The following EP400 variants were observed in gnomAD, a reference collection of about 807,000 sequenced individuals.
The protein encoded by EP400 is E1A-binding protein p400.
In EP400, 105 loss-of-function variants were observed where a neutral mutation model predicts 354.1. The observed-to-expected ratio is 0.30, with a 90% confidence interval of 0.25 to 0.35. The LOEUF (loss-of-function observed/expected upper bound fraction) is 0.35. Among genes scored for constraint, EP400 ranks in the 10% least tolerant of loss-of-function variants. The probability of loss-of-function intolerance (pLI) is 1.00; values close to 1 mark genes in which losing one functional copy is unlikely to be tolerated. For missense variants in EP400, 3,280 were observed against 4,121.0 expected (o/e 0.80, Z 5.59); for synonymous variants, 1,646 against 1,716.9 (o/e 0.96, Z 1.02).
chr12:131,974,266 A>G (rs1411914398), intron 2 of EP400, among the ~76,000 whole-genome samples: 1 of 151,972 alleles, frequency 6.6e-6, no homozygotes, highest in Non-Finnish European at 1.5e-5. Flanking sequence ...GGCGTGAGCC[A>G]CCGCGCCTGG....
chr12:131,975,300 C>T (rs1008059381), intron 2 of EP400, among the ~76,000 whole-genome samples: 1 of 152,186 alleles, frequency 6.6e-6, no homozygotes, highest in Non-Finnish European at 1.5e-5. Context: ...ATGTAGATAT[C>T]CAGTTTTCTA....
At position 132,044,287 on chromosome 12, in the gene EP400, C is replaced by T. The variant is rs753609203; in HGVS notation, c.6561C>T (p.Tyr2187=). 1 of 1,614,000 alleles carries T rather than the reference C, an allele frequency of 6.2e-7. No homozygotes were observed. Among genetic ancestry groups the T allele is most frequent in the Non-Finnish European group, 8.5e-7 (1 of 1,180,014 alleles). Residue 2187 remains tyrosine (Y), a synonymous_variant, in exon 35 of 53, where the codon TAC becomes TAT. Coordinates refer to ENST00000389561, the MANE Select transcript of EP400 (RefSeq NM_015409.5). ...LEQEEAELLT[Y]TREDAYSMEY... ...AGGAGGAGGCGGAGCTCCTGACCTA[C>T]ACGCGAGAGGATGCCTACAGCATGG...
Position 132,062,557 on chromosome 12 carries a change from G to T in EP400, c.8190G>T (p.Gln2730His). The T allele has an allele frequency of 6.3e-7, 1 of 1,587,380 alleles. No individual in the cohort carries two copies. Among genetic ancestry groups the T allele is most frequent in the East Asian group, 2.3e-5 (1 of 44,236 alleles). The change falls in exon 47 of 53, where the codon CAG becomes CAT. Residue 2730 changes from glutamine to histidine, a missense_variant. Physicochemically the swap from Gln to His is conservative, Grantham distance 24. This residue lies in a region of EP400 where 11 missense variants were observed against 34.5 expected (regional missense o/e 0.32). Coordinates refer to ENST00000389561, the MANE Select transcript of EP400 (RefSeq NM_015409.5). ...AGCAGCAGCAGCAACAACAGCAGCA[G>T]CAGCAGCAGCAGCAGCAGCAGCAGC... is the stretch of plus-strand genomic sequence containing the variant. ...QQQQQQQQQQQQQQQQQQQQQ... is the reference protein window; with the variant it reads ...QQQQQQQQQQHQQQQQQQQQQ...
intron 30 of EP400, 93 bp downstream of exon 30, chr12:132,032,242 A>G: frequency 7.1e-7 from 1 of 1,403,994 alleles, no homozygotes; most frequent in Non-Finnish European, 9.6e-7. Flanking sequence ...AAATGGAGTC[A>G]ATGAGAAGCT....
intron 2 of EP400, chr12:131,963,531 G>A: frequency 6.3e-7 from 1 of 1,594,820 alleles, no homozygotes; most frequent in Non-Finnish European, 8.5e-7. Flanking sequence ...TTTCCTCTCA[G>A]GTAAAGGTTG....
At position 131,954,868 on chromosome 12, in the gene EP400, A is replaced by G. The variant is rs141984460; in HGVS notation, c.-36+4832A>G. On this transcript the variant is annotated intron_variant, in intron 1 of 52. Coordinates refer to ENST00000389561, the MANE Select transcript of EP400 (RefSeq NM_015409.5). The stretch of plus-strand genomic sequence containing the variant: ...CATGGTGAAACCTCGTCTGTACAAA[A>G]AATACAAAAATTAGCTGGCTGTGGT... Among the ~76,000 whole-genome samples the G allele has an allele frequency of 7.1e-3, 1,078 of 152,012 alleles. 35 individuals carry two copies. The South Asian group carries it at 0.093, about 13-fold the overall frequency.
At chr12:132,023,299 A>ATTTTTTTTTTTTTTT (rs767816284) in intron 23 of EP400, among the ~76,000 whole-genome samples, 1 of 71,042 alleles carries the variant, frequency 1.4e-5, no homozygotes, top group African/African-American at 8.3e-5. Context: ...TGCCCAGCTA[A>ATTTTTTTTTTTTTTT]TTTTTTTTTT....
At chr12:132,016,486 A>T (rs1893938698) in intron 19 of EP400, among the ~76,000 whole-genome samples, 1 of 152,054 alleles carries the variant, frequency 6.6e-6, no homozygotes, top group Non-Finnish European at 1.5e-5. Flanking sequence ...CTCCTGCCTC[A>T]GCCTCTCGAG....
At chr12:131,992,253 C>T (rs775999556) in intron 11 of EP400, 23 bp downstream of exon 11, 2 of 1,602,616 alleles carry the variant, frequency 1.2e-6, no homozygotes, top group Non-Finnish European at 1.7e-6. Flanking sequence ...TCAGCACTAT[C>T]TTTGTCATCT....
intron 12 of EP400, among the ~76,000 whole-genome samples, chr12:132,002,182 T>C (rs1466429793): frequency 1.3e-5 from 2 of 152,204 alleles, no homozygotes; most frequent in South Asian, 2.1e-4. Context: ...TATTCTAATG[T>C]CCCTATGTCT....
intron 1 of EP400, among the ~76,000 whole-genome samples, chr12:131,955,026 A>G (rs2136459827): frequency 1.3e-5 from 2 of 152,326 alleles, no homozygotes; most frequent in South Asian, 4.1e-4. Flanking sequence ...TTATGTCAAA[A>G]AAAGAGAAAA....
At position 132,011,479 on chromosome 12, in the gene EP400, T is replaced by G. The variant is rs1327279501; in HGVS notation, c.3305-19T>G. ...TGACAGATACTTTGACGTGGAAAAT[T>G]CTGTTTTTTGCTTTGTAGGTAATTG... is the stretch of plus-strand genomic sequence containing the variant. On this transcript the variant is annotated intron_variant, in intron 15 of 52. Coordinates refer to ENST00000389561, the MANE Select transcript of EP400 (RefSeq NM_015409.5). 1 of 1,611,462 alleles carries G rather than the reference T, an allele frequency of 6.2e-7. No homozygotes were observed. The highest frequency in any genetic ancestry group is 1.7e-5 in the Admixed American group (1 of 59,276).
At chr12:132,040,345 T>TG (rs1342686936) in intron 32 of EP400, among the ~76,000 whole-genome samples, 1 of 152,010 alleles carries the variant, frequency 6.6e-6, no homozygotes, top group African/African-American at 2.4e-5. Context: ...TCCCACCTGA[T>TG]CCAGCAATCC....
chr12:132,020,118 G>A lies in EP400; in HGVS notation c.4347G>A (p.Pro1449=), dbSNP rs150248915. 2.0e-4 allele frequency: 315 copies of A among 1,610,384 alleles called. No homozygotes were observed. The highest frequency in any genetic ancestry group is 2.5e-4 in the Non-Finnish European group (292 of 1,178,610). Residue 1449 remains proline (P), a synonymous_variant, in exon 22 of 53, where the codon CCG becomes CCA. Coordinates refer to ENST00000389561, the MANE Select transcript of EP400 (RefSeq NM_015409.5). ...CCGTGGCTTTCCCCAGCACTCACCC[G>A]CCCCGGACGGCAGCCCCCACCACGG... is the stretch of plus-strand genomic sequence containing the variant. ...GRTVAFPSTH[P]PRTAAPTTAS... is the part of the protein sequence containing the mutation.
At chr12:132,037,133 A>G (rs998016020) in intron 30 of EP400, among the ~76,000 whole-genome samples, 1 of 152,146 alleles carries the variant, frequency 6.6e-6, no homozygotes, top group Admixed American at 6.6e-5. Context: ...ATCTTGAGGA[A>G]GCCTTGTGTC....
At chr12:132,030,301 C>T (rs942733760) in intron 29 of EP400, 143 bp downstream of exon 29, 1 of 970,970 alleles carries the variant, frequency 1.0e-6, no homozygotes, top group Non-Finnish European at 1.5e-6. Context: ...TTTAAAGTCT[C>T]AATCCATCCT....
intron 3 of EP400, among the ~76,000 whole-genome samples, chr12:131,980,568 GAGGT>G (rs1364060771): frequency 6.6e-6 from 1 of 151,510 alleles, no homozygotes; most frequent in East Asian, 1.9e-4. Flanking sequence ...CTTATTTTTT[GAGGT>G]AGGGTCTGGT....
chr12:131,950,494 T>C (rs1397490196), intron 1 of EP400, among the ~76,000 whole-genome samples: 1 of 152,044 alleles, frequency 6.6e-6, no homozygotes, highest in African/African-American at 2.4e-5. Context: ...CAGAACCACT[T>C]TCCTGAGGCG....
At chr12:132,019,962 A>T in intron 21 of EP400, 87 bp from the exon 22 acceptor site, 1 of 1,373,916 alleles carries the variant, frequency 7.3e-7, no homozygotes, top group Non-Finnish European at 9.6e-7. Context: ...TCCTATGGGC[A>T]GCGGTGAACC....
Sources: allele counts gnomAD v4.1 joint callset (sites outside exome capture counted in the v4.1 genomes callset), GRCh38; gene constraint gnomAD v4.1.1; regional missense constraint gnomAD v4.1.1; transcripts MANE v1.5; gene names NCBI Gene and HGNC (gene_info 2026-07-23, HGNC 2026-07-21).